The following KCNQ1 variants were observed in gnomAD, a reference collection of about 807,000 sequenced individuals.
The protein encoded by KCNQ1 is potassium voltage-gated channel subfamily KQT member 1.
A neutral mutation model predicts 72.4 loss-of-function variants in KCNQ1; 49 were observed. The observed-to-expected ratio is 0.68, with a 90% CI of 0.54 to 0.86. KCNQ1 has a LOEUF of 0.86. Among genes scored for constraint, KCNQ1 ranks in the 40% least tolerant of loss-of-function variants. KCNQ1 has a pLI of 0.00. For synonymous variants in KCNQ1, 450 were observed against 412.6 expected, an observed-to-expected ratio of 1.09 and a Z score of -1.10; for missense variants, 790 against 945.1, an observed-to-expected ratio of 0.84 and a Z score of 2.15.
chr11:2,614,790 C>T (rs1031413779), intron 10 of KCNQ1: 4 of 398,368 alleles, frequency 1.0e-5, no homozygotes, highest in African/African-American at 2.1e-5. Flanking sequence ...GTTTTGATTA[C>T]TGCAGCTTTG....
At chr11:2,685,202 T>A (rs568348998) in intron 11 of KCNQ1, 4 of 398,664 alleles carry the variant, frequency 1.0e-5, no homozygotes, top group African/African-American at 2.1e-5. Context: ...TGGGGATGGC[T>A]GGCACAGCTC....
rs914303965 is a variant in KCNQ1, at chr11:2,805,109, T to C, written c.1794+27072T>C. Among the ~76,000 whole-genome samples, 3 of 152,156 alleles carry C rather than the reference T, an allele frequency of 2.0e-5. No homozygotes were observed. In the South Asian group the frequency reaches 6.2e-4, roughly 32 times the overall value. On this transcript the variant is annotated intron_variant, in intron 15 of 15. Transcript: ENST00000155840. ...CCATGGGCAGCTGCCGGACAAGCCCTCTGGTGTGTCAGCGGGTCAGGCTGA... is the reference window on the plus strand; with the variant it reads ...CCATGGGCAGCTGCCGGACAAGCCCCCTGGTGTGTCAGCGGGTCAGGCTGA...
chr11:2,491,382 T>A lies in KCNQ1; in HGVS notation c.387-36546T>A, dbSNP rs529990786. 2.1e-4 allele frequency among the ~76,000 whole-genome samples: 32 copies of A among 152,294 alleles called. No individual in the cohort carries two copies. Among genetic ancestry groups the A allele is most frequent in the African/African-American group, 7.5e-4 (31 of 41,566 alleles). ...GGAATTCAGAATTCTATCAGATAAATTTAATAAAGAGATTAAAATAAGAAT... is the reference window on the plus strand; with the variant it reads ...GGAATTCAGAATTCTATCAGATAAAATTAATAAAGAGATTAAAATAAGAAT... On this transcript the variant is annotated intron_variant, in intron 1 of 15. Transcript: ENST00000155840. The surrounding 1 kb of genome is among the most constrained non-coding windows in gnomAD (Gnocchi z 4.1).
chr11:2,846,079 C>A (rs1304876644), intron 15 of KCNQ1, among the ~76,000 whole-genome samples: 1 of 152,204 alleles, frequency 6.6e-6, no homozygotes, highest in Non-Finnish European at 1.5e-5. Flanking sequence ...GCACAGAACC[C>A]AGCCCTGGCC....
intron 10 of KCNQ1, chr11:2,639,719 AC>A (rs1849538275): frequency 1.3e-5 from 2 of 152,304 alleles, no homozygotes; most frequent in South Asian, 4.1e-4. Context: ...TGCTGGGAGA[AC>A]CACTACTCTT....
Position 2,522,220 on chromosome 11 carries a change from A to G in KCNQ1, c.387-5708A>G, listed in dbSNP as rs561596516. Among the ~76,000 whole-genome samples, 327 of 152,110 alleles carry G rather than the reference A, an allele frequency of 2.1e-3. 1 individual carries two copies. Among genetic ancestry groups the G allele is most frequent in the African/African-American group, 7.2e-3 (297 of 41,512 alleles). ...GCAGCTCCCCGCCCCCCGCATGACCACGCCCTCTTGGGAGCTCGGGTGGGA... is the reference window on the plus strand; with the variant it reads ...GCAGCTCCCCGCCCCCCGCATGACCGCGCCCTCTTGGGAGCTCGGGTGGGA... On this transcript the variant is annotated intron_variant, in intron 1 of 15. Transcript: ENST00000155840.
At chr11:2,614,157 A>C (rs1214534695) in intron 10 of KCNQ1, 1 of 398,320 alleles carries the variant, frequency 2.5e-6, no homozygotes, top group Non-Finnish European at 4.4e-6. Flanking sequence ...CTACTCCATA[A>C]ATCGAATCTA....
rs1316749151 is a variant in KCNQ1, at chr11:2,784,159, A to G, written c.1794+6122A>G. 6.6e-6 allele frequency among the ~76,000 whole-genome samples: 1 copy of G among 151,750 alleles called. No individual in the cohort carries two copies. Among genetic ancestry groups the G allele is most frequent in the Non-Finnish European group, 1.5e-5 (1 of 67,786 alleles). On this transcript the variant is annotated intron_variant, in intron 15 of 15. Coordinates refer to ENST00000155840, the MANE Select transcript of KCNQ1 (RefSeq NM_000218.3). This position sits in a 1 kb window ranked among gnomAD's most constrained non-coding sequence, Gnocchi z 4.7. ...AGCTCTTACATTTCGGTCTATATTT[A>G]CTTTGAGGTAATTTTGGGGTATGAT... is the stretch of plus-strand genomic sequence containing the variant.
Position 2,663,984 on chromosome 11 carries a change from T to C in KCNQ1, c.1514+1903T>C, listed in dbSNP as rs1850016922. On this transcript the variant is annotated intron_variant, in intron 11 of 15. Transcript: ENST00000155840. The surrounding 1 kb of genome is among the most constrained non-coding windows in gnomAD (Gnocchi z 5.2). ...GACCTGAACATCCATCCCCAAGCTC[T>C]CTGCCCACTTTGGGTCTGGCACATT... 1.8e-5 allele frequency: 7 copies of C among 398,622 alleles called. No individual in the cohort carries two copies. The highest frequency in any genetic ancestry group is 3.1e-5 in the Non-Finnish European group (7 of 226,146). 24.7% of individuals were successfully genotyped at this position (398,622 alleles called of 1,614,324 possible).
In KCNQ1 at chr11:2,811,370, G is replaced by T. The variant is rs537249703; in HGVS notation, c.1794+33333G>T. Among the ~76,000 whole-genome samples the T allele has an allele frequency of 1.3e-5, 2 of 152,358 alleles. 1 individual carries two copies. The highest frequency in any genetic ancestry group is 4.1e-4 in the South Asian group (2 of 4,834). ...GCTCCTCCACCCTTATCAGTGCTTT[G>T]TGAAGGCAGCAGAACGTTCTCCTGA... On this transcript the variant is annotated intron_variant, in intron 15 of 15. Coordinates refer to ENST00000155840, the MANE Select transcript of KCNQ1 (RefSeq NM_000218.3).
intron 11 of KCNQ1, among the ~76,000 whole-genome samples, chr11:2,738,205 GCTGTGGAGTGTGGGGGCACAGCGGGTTC>G (rs1311018589): frequency 6.6e-6 from 1 of 151,892 alleles, no homozygotes; most frequent in African/African-American, 2.4e-5. Context: ...GTGGGGGTGG[GCTGTGGAGTGTGGGGGCACAGCGGGTTC>G]CTTACTGAGC....
At chr11:2,801,760 G>A (rs1847271071) in intron 15 of KCNQ1, among the ~76,000 whole-genome samples, 2 of 152,346 alleles carry the variant, frequency 1.3e-5, no homozygotes, top group South Asian at 4.1e-4. Context: ...GCATGCTGAA[G>A]GGCAGGAAGT....
intron 10 of KCNQ1, chr11:2,628,192 ATT>A: frequency 2.5e-6 from 1 of 398,576 alleles, no homozygotes; most frequent in South Asian, 1.3e-4. Flanking sequence ...TCCAATTTTA[ATT>A]TTTTAAAGAA....
Position 2,652,381 on chromosome 11 carries a change from T to C in KCNQ1, c.1394-9580T>C. The C allele has an allele frequency of 2.5e-6, 1 of 398,680 alleles. No homozygotes were observed. The highest frequency in any genetic ancestry group is 4.4e-6 in the Non-Finnish European group (1 of 226,074). The allele number at this position is 398,680 out of a possible 1,614,324, so 24.7% of individuals were successfully genotyped here. A position where few individuals can be genotyped will look rare whatever the true frequency, so the allele number is the denominator to read the frequency against. On this transcript the variant is annotated intron_variant, in intron 10 of 15. Coordinates refer to ENST00000155840, the MANE Select transcript of KCNQ1 (RefSeq NM_000218.3). The surrounding 1 kb of genome is among the most constrained non-coding windows in gnomAD (Gnocchi z 5.9). ...ATGAAGGTGAAAAGATCGCTCTTAA[T>C]TAGATTAAAAACATTTTTTTCTTCC...
Position 2,620,031 on chromosome 11 carries a change from A to C in KCNQ1, c.1393+31177A>C, listed in dbSNP as rs1849139474. 2.5e-6 allele frequency: 1 copy of C among 398,114 alleles called. No individual in the cohort carries two copies. The highest frequency in any genetic ancestry group is 4.4e-5 in the Admixed American group (1 of 22,680). 24.7% of individuals were successfully genotyped at this position (398,114 alleles called of 1,614,324 possible). A position where few individuals can be genotyped will look rare whatever the true frequency, so the allele number is the denominator to read the frequency against. ...CCACCTCTCCATTCCTCCCCCAAGT[A>C]GTCCCCAGTGTCTACTGATCATCTT... On this transcript the variant is annotated intron_variant, in intron 10 of 15. Transcript: ENST00000155840. The surrounding 1 kb of genome is among the most constrained non-coding windows in gnomAD (Gnocchi z 4.5).
rs1848362899 is a variant in KCNQ1, at chr11:2,572,938, A to G, written c.873A>G (p.Ser291=). The G allele has an allele frequency of 6.2e-7, 1 of 1,613,828 alleles. No homozygotes were observed. The highest frequency in any genetic ancestry group is 8.5e-7 in the Non-Finnish European group (1 of 1,180,008). Residue 291 remains serine, a synonymous_variant, in exon 6 of 16, where the codon TCA becomes TCG. Transcript: ENST00000155840. ...YLAEKDAVNE[S]GRVEFGSYAD... ...CTGAGAAGGACGCGGTGAACGAGTCAGGCCGCGTGGAGTTCGGCAGCTACG... is the reference window on the plus strand; with the variant it reads ...CTGAGAAGGACGCGGTGAACGAGTCGGGCCGCGTGGAGTTCGGCAGCTACG...
In KCNQ1 at chr11:2,613,906, T is replaced by C. The variant is rs1329730542; in HGVS notation, c.1393+25052T>C. 1.3e-5 allele frequency: 5 copies of C among 398,488 alleles called. No individual in the cohort carries two copies. The highest frequency in any genetic ancestry group is 8.2e-5 in the African/African-American group (4 of 48,640). The allele number at this position is 398,488 out of a possible 1,614,324, so 24.7% of individuals were successfully genotyped here. On this transcript the variant is annotated intron_variant, in intron 10 of 15. Transcript: ENST00000155840. This position sits in a 1 kb window ranked among gnomAD's most constrained non-coding sequence, Gnocchi z 4.8. ...ATTATTTTCTCATTTCCCAAAAAAG[T>C]ACTATTCTGTATATGCCCTTTTGAA...
chr11:2,661,874 T>A lies in KCNQ1; in HGVS notation c.1394-87T>A. On this transcript the variant is annotated intron_variant, in intron 10 of 15. Transcript: ENST00000155840. This position sits in a 1 kb window ranked among gnomAD's most constrained non-coding sequence, Gnocchi z 5.9. Reference sequence around the variant, plus strand: ...CCAGGCACAAGCTCCACTCCTCACCTGGCCCTGGGAGCTCACAGGCCTGGC... The same window carrying A: ...CCAGGCACAAGCTCCACTCCTCACCAGGCCCTGGGAGCTCACAGGCCTGGC... 7.7e-6 allele frequency: 12 copies of A among 1,553,664 alleles called. No individual in the cohort carries two copies. Among genetic ancestry groups the A allele is most frequent in the Non-Finnish European group, 9.8e-6 (11 of 1,127,294 alleles).
Position 2,587,055 on chromosome 11 carries a change from T to C in KCNQ1, c.1129-515T>C, listed in dbSNP as rs141554189. Among the ~76,000 whole-genome samples the C allele has an allele frequency of 1.2e-3, 190 of 152,232 alleles. 1 individual carries two copies. In the East Asian group the frequency reaches 0.017, roughly 14 times the overall value. On this transcript the variant is annotated intron_variant, in intron 8 of 15. Transcript: ENST00000155840. ...AGAGGCTCCCCCAACTGCAAGGTGG[T>C]ATAGGCCTCTGGGAGAGACCTCACC... is the stretch of plus-strand genomic sequence containing the variant.
Sources: gnomAD v4.1 joint callset for allele counts (sites outside exome capture counted in the v4.1 genomes callset) on GRCh38, gnomAD v4.1.1 for gene constraint, Gnocchi (gnomAD v3.1) non-coding constraint, MANE v1.5 for transcripts, NCBI Gene and HGNC (gene_info 2026-07-23, HGNC 2026-07-21) for gene names.